The following TWF2 variants were observed in gnomAD, a reference collection of about 807,000 sequenced individuals.
The protein encoded by TWF2 is twinfilin actin binding protein 2.
A neutral mutation model predicts 45.1 loss-of-function variants in TWF2; 15 were observed. The ratio of observed to expected loss-of-function variants is 0.33; its 90% CI spans 0.22 to 0.51. The LOEUF (loss-of-function observed/expected upper bound fraction) is 0.51, where lower values mean the gene tolerates loss of function less well. TWF2 is among the 20% of genes least tolerant of loss of function. The pLI is 0.97. For synonymous variants in TWF2, 177 were observed against 195.8 expected, an observed-to-expected ratio of 0.90 and a Z score of 0.80; for missense variants, 423 against 469.1, an observed-to-expected ratio of 0.90 and a Z score of 0.91.
chr3:52,231,079 C>T (rs555957705), intron 5 of TWF2, 48 bp downstream of exon 5: 25 of 1,612,150 alleles, frequency 1.6e-5, no homozygotes, highest in African/African-American at 1.3e-5. Context: ...GCCACTGGGC[C>T]GATATGACCC....
At chr3:52,236,434 G>A (rs1699726955) in intron 1 of TWF2, among the ~76,000 whole-genome samples, 1 of 152,180 alleles carries the variant, frequency 6.6e-6, no homozygotes, top group Non-Finnish European at 1.5e-5. Context: ...CATAAGTGGT[G>A]GATCTACTAG....
At chr3:52,237,227 A>G (rs1356953926) in intron 1 of TWF2, among the ~76,000 whole-genome samples, 2 of 152,148 alleles carry the variant, frequency 1.3e-5, no homozygotes, top group Non-Finnish European at 1.5e-5. Context: ...CCCAGCCCCA[A>G]TGCCTGCCCA....
At chr3:52,229,233 G>C in intron 8 of TWF2, 32 bp from the exon 9 acceptor site, 2 of 1,604,166 alleles carry the variant, frequency 1.2e-6, no homozygotes, top group South Asian at 1.1e-5. Context: ...TCACCCCAAT[G>C]GGAGGGGCTC....
intron 2 of TWF2, chr3:52,232,327 GC>G (rs1160502020): frequency 1.9e-5 from 12 of 639,764 alleles, no homozygotes; most frequent in South Asian, 8.1e-5. Context: ...CCTGGGGGCT[GC>G]CCCCCTGCAC....
At chr3:52,230,364 G>A (rs1420545189) in intron 6 of TWF2, among the ~76,000 whole-genome samples, 1 of 152,254 alleles carries the variant, frequency 6.6e-6, no homozygotes, top group Non-Finnish European at 1.5e-5. Flanking sequence ...CACAACCTCA[G>A]GGAGATACTG....
intron 3 of TWF2, among the ~76,000 whole-genome samples, 177 bp from the exon 4 acceptor site, chr3:52,231,716 C>T (rs943990870): frequency 5.9e-5 from 9 of 152,216 alleles, no homozygotes; most frequent in African/African-American, 1.9e-4. Context: ...CCTCGTCCAG[C>T]CTGATCACAG....
At chr3:52,232,442 C>T (rs867455528) in intron 2 of TWF2, among the ~76,000 whole-genome samples, 1 of 152,122 alleles carries the variant, frequency 6.6e-6, no homozygotes, top group Non-Finnish European at 1.5e-5. Context: ...TCACGGACAC[C>T]ACACCCCTGG....
At position 52,239,114 on chromosome 3, in the gene TWF2, G is replaced by C. The variant is rs1365349656; in HGVS notation, c.-98C>G. On this transcript the variant is annotated 5_prime_UTR_variant, in exon 1 of 9. Coordinates refer to ENST00000305533, the MANE Select transcript of TWF2 (RefSeq NM_007284.4). ...CAAGAGAGGTGGAGGATGTGGCGGA[G>C]GCTGTCGACCCTCGCGCAGCTTCCC... 2 of 1,438,160 alleles carry C rather than the reference G, an allele frequency of 1.4e-6. No homozygotes were observed. The highest frequency in any genetic ancestry group is 1.5e-5 in the African/African-American group (1 of 68,522). The allele number at this position is 1,438,160 out of a possible 1,614,324, so 89.1% of individuals were successfully genotyped here.
chr3:52,231,912 C>T (rs1699682460), intron 3 of TWF2, 32 bp downstream of exon 3: 2 of 1,598,210 alleles, frequency 1.3e-6, no homozygotes, highest in Non-Finnish European at 1.7e-6. Flanking sequence ...GCCCCAGCTC[C>T]CCTCCTCACT....
intron 1 of TWF2, among the ~76,000 whole-genome samples, chr3:52,238,580 T>A (rs1699749747): frequency 6.6e-6 from 1 of 152,166 alleles, no homozygotes; most frequent in African/African-American, 2.4e-5. Context: ...ACAGTGTCCA[T>A]TCAAACAGTC....
At chr3:52,236,630 G>T (rs1378566638) in intron 1 of TWF2, among the ~76,000 whole-genome samples, 1 of 152,064 alleles carries the variant, frequency 6.6e-6, no homozygotes, top group Non-Finnish European at 1.5e-5. Context: ...GGGGCGGGGG[G>T]GCCTTTAGGA....
chr3:52,233,134 T>A (rs1699694831), intron 2 of TWF2, among the ~76,000 whole-genome samples: 3 of 152,230 alleles, frequency 2.0e-5, no homozygotes, highest in Non-Finnish European at 4.4e-5. Context: ...TGGGACCTCA[T>A]CTGGGCACCA....
In TWF2 at chr3:52,232,098, T is replaced by G. The variant is rs1432373510; in HGVS notation, c.128A>C (p.Gln43Pro). The part of the protein sequence containing the change: ...EDEQLVLGAS[Q>P]EPVGRWDQDY... ...CTGATCCCAGCGGCCTACTGGCTCC[T>G]GCGAGGCACCCAGCACGAGCTGCTC... The change falls in exon 3 of 9, where the codon CAG becomes CCG. Residue 43 changes from glutamine to proline, a missense_variant. By Grantham distance (76) the Gln-to-Pro change is moderately conservative. Transcript: ENST00000305533. 6.2e-7 allele frequency: 1 copy of G among 1,606,766 alleles called. No homozygotes were observed. Among genetic ancestry groups the G allele is most frequent in the Admixed American group, 1.7e-5 (1 of 58,724 alleles).
At chr3:52,238,931 G>GC (rs998828114) in intron 1 of TWF2, 61 bp downstream of exon 1, 154 of 1,562,858 alleles carry the variant, frequency 9.9e-5, no homozygotes, top group Middle Eastern at 4.1e-4. Context: ...CCGAGAGCCG[G>GC]GGGGGGGCGC....
chr3:52,231,960 G>A lies in TWF2; in HGVS notation c.266C>T (p.Ser89Leu), dbSNP rs376043177. The A allele has an allele frequency of 3.1e-6, 5 of 1,613,458 alleles. No homozygotes were observed. Among genetic ancestry groups the A allele is most frequent in the South Asian group, 2.2e-5 (2 of 91,020 alleles). ...AGGACTCACGGGGGAGTTATCAGGCGACCAGGCGAGGAAGAGCCATTCGAA... is the reference window on the plus strand; with the variant it reads ...AGGACTCACGGGGGAGTTATCAGGCAACCAGGCGAGGAAGAGCCATTCGAA... The part of the protein sequence containing the change: ...QGFEWLFLAW[S>L]PDNSPVRLKM... Residue 89 changes from serine to leucine, a missense_variant, in exon 3 of 9, where the codon TCG (serine) becomes TTG (leucine). By Grantham distance (145) the Ser-to-Leu change is moderately radical (BLOSUM62 -2). Transcript: ENST00000305533.
At position 52,231,568 on chromosome 3, in the gene TWF2, G is replaced by T. The variant is rs904523564; in HGVS notation, c.283-29C>A. On this transcript the variant is annotated intron_variant, in intron 3 of 8. Coordinates refer to ENST00000305533, the MANE Select transcript of TWF2 (RefSeq NM_007284.4). ...AAGGGCAAGGGCCAAACCGTAAGAG[G>T]CCTCTGGGCAGGGCTGCCTCTCCCG... 4.4e-6 allele frequency: 7 copies of T among 1,600,524 alleles called. No individual in the cohort carries two copies. In the Admixed American group the frequency reaches 5.1e-5, roughly 12 times the overall value.
chr3:52,232,255 G>T, intron 2 of TWF2, 133 bp from the exon 3 acceptor site: 1 of 1,167,926 alleles, frequency 8.6e-7, no homozygotes, highest in Non-Finnish European at 1.2e-6. Context: ...GGAGCCCCCA[G>T]GTCCCAGAAG....
chr3:52,229,524 T>C (rs1205785108), intron 8 of TWF2, 137 bp downstream of exon 8: 3 of 1,432,760 alleles, frequency 2.1e-6, no homozygotes, highest in African/African-American at 2.8e-5. Context: ...TGCGTGTTGC[T>C]CCTTGGGCCT....
intron 6 of TWF2, 30 bp from the exon 7 acceptor site, chr3:52,230,100 C>G (rs755537886): frequency 6.5e-7 from 1 of 1,544,242 alleles, no homozygotes; most frequent in Non-Finnish European, 8.7e-7. Flanking sequence ...GATGGGAGAG[C>G]ACCAGGTCGG....
Sources: allele counts gnomAD v4.1 joint callset (sites outside exome capture counted in the v4.1 genomes callset), GRCh38; gene constraint gnomAD v4.1.1; transcripts MANE v1.5; gene names NCBI Gene and HGNC (gene_info 2026-07-23, HGNC 2026-07-21).